Variants in ZNF385D observed in about 807,000 individuals in gnomAD.
ZNF385D encodes zinc finger protein 385D.
Under a neutral mutation model 35.8 loss-of-function variants are expected in ZNF385D, and 15 were observed. The ratio of observed to expected loss-of-function variants is 0.42; its 90% CI spans 0.28 to 0.64. The LOEUF (loss-of-function observed/expected upper bound fraction) is 0.64, where lower values mean the gene tolerates loss of function less well. ZNF385D is among the 30% of genes least tolerant of loss of function. The pLI is 0.23. For missense variants in ZNF385D, 474 were observed against 494.6 expected, an observed-to-expected ratio of 0.96 and a Z score of 0.39; for synonymous variants, 212 against 186.8, an observed-to-expected ratio of 1.13 and a Z score of -1.10.
intron 4 of ZNF385D, among the ~76,000 whole-genome samples, chr3:21,444,900 C>A (rs4858322): frequency 0.33 from 50,383 of 151,972 alleles, 10,253 homozygotes; most frequent in African/African-American, 0.57. Context: ...CAGAAGCCCC[C>A]AAAAAGAGGT....
intron 1 of ZNF385D, among the ~76,000 whole-genome samples, chr3:21,666,006 G>C (rs1412261186): frequency 6.6e-6 from 1 of 152,182 alleles, no homozygotes; most frequent in Non-Finnish European, 1.5e-5. Context: ...CATTAGGAAA[G>C]CAAAATGCAG....
chr3:22,276,947 G>A (rs1701460618), intron 2 of ZNF385D, among the ~76,000 whole-genome samples: 2 of 152,006 alleles, frequency 1.3e-5, no homozygotes, highest in African/African-American at 4.8e-5. Flanking sequence ...TTCAACACAT[G>A]CATTCACTTA....
chr3:21,832,045 T>C (rs941930495), intron 3 of ZNF385D, among the ~76,000 whole-genome samples: 11 of 151,222 alleles, frequency 7.3e-5, no homozygotes, highest in Middle Eastern at 3.2e-3. Flanking sequence ...ACATTAAAAA[T>C]TGACTCAATA....
Position 21,771,167 on chromosome 3 carries a change from C to A in ZNF385D, c.326-106139G>T, listed in dbSNP as rs190087466. Among the ~76,000 whole-genome samples the A allele has an allele frequency of 2.3e-3, 341 of 151,450 alleles. 1 individual carries two copies. Among genetic ancestry groups the A allele is most frequent in the Non-Finnish European group, 3.8e-3 (256 of 67,890 alleles). ...TGACGAGTTAATGGGTGCAGCACAC[C>A]AACATGGCACATGTATACATATGTG... On this transcript the variant is annotated intron_variant, in intron 3 of 5. Transcript: ENST00000494108.
chr3:21,958,025 T>C (rs1189638883), intron 3 of ZNF385D, among the ~76,000 whole-genome samples: 1 of 152,108 alleles, frequency 6.6e-6, no homozygotes, highest in Non-Finnish European at 1.5e-5. Flanking sequence ...CCGAGTGTTG[T>C]TCCCCACACA....
intron 3 of ZNF385D, among the ~76,000 whole-genome samples, chr3:21,839,642 C>T (rs1468570261): frequency 6.6e-6 from 1 of 152,072 alleles, no homozygotes; most frequent in Non-Finnish European, 1.5e-5. Context: ...ACACAATGAT[C>T]TTTATGGGTC....
chr3:22,126,110 T>C (rs1703410994), intron 3 of ZNF385D, among the ~76,000 whole-genome samples: 1 of 152,084 alleles, frequency 6.6e-6, no homozygotes. Context: ...TTTTGAGGGA[T>C]TGTATCATGA....
intron 1 of ZNF385D, among the ~76,000 whole-genome samples, chr3:21,711,223 A>T (rs1443969334): frequency 6.6e-6 from 1 of 151,516 alleles, no homozygotes; most frequent in Non-Finnish European, 1.5e-5. Flanking sequence ...TGGTATTTTT[A>T]GTAGAGTCAG....
chr3:22,317,738 T>C (rs1272369140), intron 2 of ZNF385D, among the ~76,000 whole-genome samples: 1 of 152,156 alleles, frequency 6.6e-6, no homozygotes, highest in East Asian at 1.9e-4. Context: ...TGCACATTAA[T>C]AAATTTGCAT....
intron 2 of ZNF385D, among the ~76,000 whole-genome samples, chr3:22,369,942 T>A (rs1019380610): frequency 2.0e-5 from 3 of 152,182 alleles, no homozygotes; most frequent in Non-Finnish European, 4.4e-5. Context: ...CAATGAGAAA[T>A]GCAACATTTT....
chr3:22,145,016 G>A (rs545653214), intron 3 of ZNF385D, among the ~76,000 whole-genome samples: 1 of 150,036 alleles, frequency 6.7e-6, no homozygotes, highest in African/African-American at 2.4e-5. Flanking sequence ...ACATATGTGT[G>A]TGTGTGTGTG....
intron 1 of ZNF385D, among the ~76,000 whole-genome samples, chr3:21,681,316 A>AAAAAAAAAAAAAAAAAAACAAAC (rs1334410224): frequency 1.4e-5 from 2 of 141,782 alleles, no homozygotes; most frequent in East Asian, 4.3e-4. Context: ...AAAAAAAAAA[A>AAAAAAAAAAAAAAAAAAACAAAC]AAAAAAAACC....
At chr3:22,280,330 G>C (rs1221531792) in intron 2 of ZNF385D, among the ~76,000 whole-genome samples, 6 of 148,566 alleles carry the variant, frequency 4.0e-5, no homozygotes, top group African/African-American at 1.5e-4. Context: ...TGGGTTCTTG[G>C]TCACAAAGTC....
intron 3 of ZNF385D, among the ~76,000 whole-genome samples, chr3:21,839,851 G>C (rs897790137): frequency 6.6e-6 from 1 of 151,920 alleles, no homozygotes; most frequent in African/African-American, 2.4e-5. Context: ...CTGATCTCCA[G>C]GTCTCCCTCT....
chr3:21,565,798 A>C (rs1244846796), intron 2 of ZNF385D, among the ~76,000 whole-genome samples: 1 of 151,932 alleles, frequency 6.6e-6, no homozygotes, highest in Non-Finnish European at 1.5e-5. Flanking sequence ...AGGACTTATA[A>C]GTAAGTCTTC....
chr3:22,052,173 T>A (rs1215819101), intron 3 of ZNF385D, among the ~76,000 whole-genome samples: 6 of 2,664 alleles, frequency 2.3e-3, no homozygotes, highest in African/African-American at 8.0e-3. Context: ...CATAGTCCCA[T>A]ATTTCTTGGA....
chr3:22,350,700 T>A (rs961941255), intron 2 of ZNF385D, among the ~76,000 whole-genome samples: 9 of 152,174 alleles, frequency 5.9e-5, no homozygotes, highest in African/African-American at 1.9e-4. Flanking sequence ...TGTTGTTTTT[T>A]TCACATGCGA....
chr3:21,514,956 G>T lies in ZNF385D; in HGVS notation c.277-3933C>A, dbSNP rs76746210. Among the ~76,000 whole-genome samples the T allele has an allele frequency of 2.8e-3, 425 of 152,066 alleles. 4 individuals carry two copies. The highest frequency in any genetic ancestry group is 8.8e-3 in the African/African-American group (366 of 41,474). On this transcript the variant is annotated intron_variant, in intron 3 of 7. Coordinates refer to ENST00000281523, the MANE Select transcript of ZNF385D (RefSeq NM_024697.3). Reference sequence around the variant, plus strand: ...TAATAAGTGTCATCCCAGAGGCAAGGGCTGACATTAAAGATATGCACACAC... The same window carrying T: ...TAATAAGTGTCATCCCAGAGGCAAGTGCTGACATTAAAGATATGCACACAC...
intron 1 of ZNF385D, among the ~76,000 whole-genome samples, chr3:21,715,523 A>G (rs116569673): frequency 0.013 from 1,922 of 152,232 alleles, 45 homozygotes; most frequent in African/African-American, 0.044. Context: ...GGGTGATTCC[A>G]TATCTTTGCT....
Sources: allele counts gnomAD v4.1 joint callset (sites outside exome capture counted in the v4.1 genomes callset), GRCh38; gene constraint gnomAD v4.1.1; transcripts MANE v1.5; gene names NCBI Gene and HGNC (gene_info 2026-07-23, HGNC 2026-07-21).